MBNL1: variants seen among roughly 807,000 people sequenced by gnomAD.
The protein encoded by MBNL1 is muscleblind like splicing regulator 1.
Under a neutral mutation model 42.2 loss-of-function variants are expected in MBNL1, and 8 were observed. That is an observed-to-expected ratio of 0.19 (90% CI 0.11 to 0.34). The LOEUF (loss-of-function observed/expected upper bound fraction) is 0.34, where lower values mean the gene tolerates loss of function less well. MBNL1 is among the 10% of genes least tolerant of loss of function. The probability of loss-of-function intolerance (pLI) is 1.00; values close to 1 mark genes in which losing one functional copy is unlikely to be tolerated. For synonymous variants in MBNL1, 169 were observed against 173.9 expected (o/e 0.97, Z 0.22); for missense variants, 309 against 495.3 (o/e 0.62, Z 3.57).
intron 2 of MBNL1, among the ~76,000 whole-genome samples, chr3:152,375,020 T>G (rs766032614): frequency 2.0e-5 from 3 of 152,220 alleles, no homozygotes; most frequent in Non-Finnish European, 4.4e-5. Flanking sequence ...TTTGCTTTTT[T>G]TTCGCGACAG....
chr3:152,351,625 G>C (rs374484461), intron 2 of MBNL1, among the ~76,000 whole-genome samples: 16 of 152,078 alleles, frequency 1.1e-4, no homozygotes, highest in African/African-American at 3.6e-4. Context: ...ACACTTATAG[G>C]AGGGGTTTTA....
intron 1 of MBNL1, among the ~76,000 whole-genome samples, chr3:152,284,696 A>G (rs1024359658): frequency 6.6e-6 from 1 of 152,148 alleles, no homozygotes; most frequent in Non-Finnish European, 1.5e-5. Flanking sequence ...CAGTTTATCT[A>G]GATCAGTCTT....
upstream of MBNL1, chr3:152,266,404 A>G (rs1376428932): frequency 6.6e-6 from 1 of 152,186 alleles, no homozygotes; most frequent in Non-Finnish European, 1.5e-5. Context: ...AAGTAGAAAT[A>G]TAATTTCCCC....
chr3:152,443,139 A>G (rs1356297143), intron 4 of MBNL1, among the ~76,000 whole-genome samples: 5 of 151,468 alleles, frequency 3.3e-5, no homozygotes, highest in Admixed American at 6.6e-5. Flanking sequence ...AGGAGAGTAA[A>G]GAACATGAAA....
rs1750057306 is a variant in MBNL1 at position 152,465,444 on chromosome 3, A to G, written c.*3078A>G. 1 of 152,610 alleles carries G rather than the reference A, an allele frequency of 6.6e-6. No individual in the cohort carries two copies. The highest frequency in any genetic ancestry group is 2.1e-4 in the South Asian group (1 of 4,828). The allele number at this position is 152,610 out of a possible 1,614,324, so 9.5% of individuals were successfully genotyped here. A position where few individuals can be genotyped will look rare whatever the true frequency, so the allele number is the denominator to read the frequency against. ...AAAAATAAAACGCAGTTCAAATTTC[A>G]TGGTTTTAATTTTCAACTCAGAAGC... On this transcript the variant is annotated 3_prime_UTR_variant, in exon 10 of 10. Coordinates refer to ENST00000324210, the MANE Select transcript of MBNL1 (RefSeq NM_021038.5).
intron 2 of MBNL1, among the ~76,000 whole-genome samples, chr3:152,252,134 A>ACCTACCTTCCTTCCTTCCTT (rs2034659758): frequency 1.7e-4 from 18 of 102,884 alleles, no homozygotes; most frequent in Middle Eastern, 4.5e-3. Context: ...AAACTAACCT[A>ACCTACCTTCCTTCCTTCCTT]CCTTCCTTCC....
At chr3:152,251,051 A>G (rs1425374864) in intron 2 of MBNL1, among the ~76,000 whole-genome samples, 1 of 152,136 alleles carries the variant, frequency 6.6e-6, no homozygotes, top group Admixed American at 6.6e-5. Context: ...AAATCAATAA[A>G]TGTAATCCAG....
chr3:152,303,616 A>G (rs2061651505), intron 2 of MBNL1, among the ~76,000 whole-genome samples: 1 of 152,196 alleles, frequency 6.6e-6, no homozygotes, highest in African/African-American at 2.4e-5. Flanking sequence ...ATGATGTTTC[A>G]AATCAATGAC....
At chr3:152,415,862 T>A (rs566946092) in intron 3 of MBNL1, among the ~76,000 whole-genome samples, 1 of 151,998 alleles carries the variant, frequency 6.6e-6, no homozygotes, top group Non-Finnish European at 1.5e-5. Flanking sequence ...TAATAATCTC[T>A]ATTCATATTT....
intron 2 of MBNL1, among the ~76,000 whole-genome samples, chr3:152,302,809 G>T (rs987127549): frequency 6.6e-6 from 1 of 152,008 alleles, no homozygotes; most frequent in African/African-American, 2.4e-5. Flanking sequence ...TAAATCCATA[G>T]TCCAGCCTTT....
chr3:152,274,278 C>T (rs546124650), intron 1 of MBNL1, among the ~76,000 whole-genome samples: 4 of 152,034 alleles, frequency 2.6e-5, no homozygotes, highest in Non-Finnish European at 5.9e-5. Flanking sequence ...AAATATTATT[C>T]TATCATATAA....
intron 2 of MBNL1, among the ~76,000 whole-genome samples, chr3:152,398,252 C>T (rs1355075666): frequency 6.6e-6 from 1 of 151,948 alleles, no homozygotes; most frequent in Non-Finnish European, 1.5e-5. Flanking sequence ...ATTTTTGAAA[C>T]AGTTTCAGAA....
intron 3 of MBNL1, 40 bp downstream of exon 3, chr3:152,415,151 T>A (rs1479651372): frequency 6.6e-7 from 1 of 1,522,188 alleles, no homozygotes; most frequent in Non-Finnish European, 8.8e-7. Context: ...AGTTTTTGAT[T>A]CAAAGTGCTC....
chr3:152,310,621 T>G (rs1395233307), intron 2 of MBNL1, among the ~76,000 whole-genome samples: 1 of 152,252 alleles, frequency 6.6e-6, no homozygotes, highest in Non-Finnish European at 1.5e-5. Flanking sequence ...TAAAACATGC[T>G]CATTCACATT....
At chr3:152,273,130 A>G (rs889309907) in intron 1 of MBNL1, among the ~76,000 whole-genome samples, 31 of 152,088 alleles carry the variant, frequency 2.0e-4, no homozygotes, top group Admixed American at 1.0e-3. Flanking sequence ...GGGAAGAATG[A>G]TCCCCATTAA....
intron 2 of MBNL1, among the ~76,000 whole-genome samples, chr3:152,336,053 G>T (rs2089862733): frequency 6.6e-6 from 1 of 152,160 alleles, no homozygotes; most frequent in Non-Finnish European, 1.5e-5. Context: ...AAATATAACT[G>T]TGAGCACATT....
At chr3:152,326,630 A>G (rs913242671) in intron 2 of MBNL1, among the ~76,000 whole-genome samples, 2 of 152,152 alleles carry the variant, frequency 1.3e-5, no homozygotes, top group South Asian at 4.1e-4. Context: ...ACTTCAAAAC[A>G]TAGTTTATAT....
chr3:152,403,798 C>T (rs1429912255), intron 2 of MBNL1, among the ~76,000 whole-genome samples: 1 of 151,470 alleles, frequency 6.6e-6, no homozygotes, highest in Non-Finnish European at 1.5e-5. Context: ...GCTCATGAGC[C>T]AATTTGTCTT....
At chr3:152,457,865 A>C (rs527784824) in intron 8 of MBNL1, 2 of 388,190 alleles carry the variant, frequency 5.2e-6, no homozygotes, top group Non-Finnish European at 9.3e-6. Flanking sequence ...GGGACACTTT[A>C]CTTTTTGCAT....
Sources: allele counts gnomAD v4.1 joint callset (sites outside exome capture counted in the v4.1 genomes callset), GRCh38; gene constraint gnomAD v4.1.1; transcripts MANE v1.5; gene names NCBI Gene and HGNC (gene_info 2026-07-23, HGNC 2026-07-21).